The following ETV5 variants were observed in gnomAD, a reference collection of about 807,000 sequenced individuals.
The protein encoded by ETV5 is ETS variant transcription factor 5.
ETV5 carries 10 observed loss-of-function variants against 70.0 expected under a neutral mutation model. The ratio of observed to expected loss-of-function variants is 0.14; its 90% CI spans 0.09 to 0.24. The LOEUF is 0.24. Among genes scored for constraint, ETV5 ranks in the 10% least tolerant of loss-of-function variants. The pLI, the probability that ETV5 is intolerant of heterozygous loss-of-function variation, is 1.00. For synonymous variants in ETV5, 216 were observed against 242.2 expected (o/e 0.89, Z 1.01); for missense variants, 453 against 651.2 (o/e 0.70, Z 3.31).
intron 7 of ETV5, among the ~76,000 whole-genome samples, chr3:186,077,271 A>G (rs78000917): frequency 0.036 from 5,451 of 152,302 alleles, 272 homozygotes; most frequent in East Asian, 0.27. Context: ...AAAAGTTCTA[A>G]GCCAAGAGAC....
chr3:186,079,524 TC>T (rs1443526711), intron 7 of ETV5, among the ~76,000 whole-genome samples: 1 of 152,176 alleles, frequency 6.6e-6, no homozygotes, highest in Non-Finnish European at 1.5e-5. Context: ...GACAAGACTA[TC>T]CTGGCAAGTC....
chr3:186,105,131 A>G lies in ETV5; in HGVS notation c.232+174T>C, dbSNP rs1446717962. ...TGCAATACAGTAGAAATACTTTAGA[A>G]ATAATTTTATTATGAAATAAAAGTT... On this transcript the variant is annotated intron_variant, in intron 5 of 12. Transcript: ENST00000306376. The surrounding 1 kb of genome is among the most constrained non-coding windows in gnomAD (Gnocchi z 4.5). 1.8e-6 allele frequency: 1 copy of G among 542,744 alleles called. No individual in the cohort carries two copies. The highest frequency in any genetic ancestry group is 1.9e-5 in the African/African-American group (1 of 51,320). 33.6% of individuals were successfully genotyped at this position (542,744 alleles called of 1,614,324 possible).
At chr3:186,088,046 T>G (rs1320572880) in intron 5 of ETV5, among the ~76,000 whole-genome samples, 1 of 152,204 alleles carries the variant, frequency 6.6e-6, no homozygotes, top group African/African-American at 2.4e-5. Flanking sequence ...TTTCTCCTAC[T>G]TCACACACAG....
At chr3:186,108,600 C>T in intron 1 of ETV5, 1 of 1,226,126 alleles carries the variant, frequency 8.2e-7, no homozygotes. Flanking sequence ...TCGGGGCTCT[C>T]GAATCTCCAG....
chr3:186,068,830 AACAG>A (rs1191128420), intron 7 of ETV5, among the ~76,000 whole-genome samples: 2 of 152,212 alleles, frequency 1.3e-5, no homozygotes, highest in Non-Finnish European at 2.9e-5. Context: ...CAGTCCATGA[AACAG>A]ACAGGAAGCA....
chr3:186,107,114 C>T (rs1356292), intron 1 of ETV5: 118,714 of 167,458 alleles, frequency 0.71, 43,770 homozygotes, highest in Non-Finnish European at 0.81. Context: ...CAAGGACACC[C>T]TTCACAGCCA....
intron 5 of ETV5, among the ~76,000 whole-genome samples, chr3:186,089,947 C>T (rs1323359251): frequency 6.6e-6 from 1 of 152,126 alleles, no homozygotes; most frequent in Non-Finnish European, 1.5e-5. Context: ...GAGACGCACA[C>T]CAGGGTATTT....
rs2150142501 is a variant in ETV5, at chr3:186,057,575, A to C, written c.971-84T>G. Reference sequence around the variant, plus strand: ...ACTATGGATTTAAGGACTAGAGTGCAATCCTATCATTTCAGATCCTAAGTC... The same window carrying C: ...ACTATGGATTTAAGGACTAGAGTGCCATCCTATCATTTCAGATCCTAAGTC... On this transcript the variant is annotated intron_variant, in intron 9 of 12. Transcript: ENST00000306376. The surrounding 1 kb of genome is among the most constrained non-coding windows in gnomAD (Gnocchi z 4.9). 2.6e-6 allele frequency: 3 copies of C among 1,159,522 alleles called. No individual in the cohort carries two copies. The South Asian group carries it at 3.7e-5, about 14-fold the overall frequency. The allele number at this position is 1,159,522 out of a possible 1,614,324, so 71.8% of individuals were successfully genotyped here.
chr3:186,095,237 A>G (rs1485451921), intron 5 of ETV5: 1 of 152,190 alleles, frequency 6.6e-6, no homozygotes, highest in Non-Finnish European at 1.5e-5. Context: ...CCTTACATCA[A>G]CCACAGTGGA....
At chr3:186,097,988 T>TG (rs1055369267) in intron 5 of ETV5, among the ~76,000 whole-genome samples, 5 of 152,224 alleles carry the variant, frequency 3.3e-5, no homozygotes, top group Non-Finnish European at 7.3e-5. Context: ...CTCTGCTAGC[T>TG]GGGGCAGACC....
chr3:186,067,217 G>A (rs775687636), intron 7 of ETV5, among the ~76,000 whole-genome samples: 1 of 152,176 alleles, frequency 6.6e-6, no homozygotes, highest in Non-Finnish European at 1.5e-5. Context: ...GGGGGATCAC[G>A]AGGTCAAGAG....
intron 9 of ETV5, among the ~76,000 whole-genome samples, chr3:186,060,215 G>C (rs764481718): frequency 1.6e-4 from 24 of 151,854 alleles, no homozygotes; most frequent in Non-Finnish European, 2.8e-4. Flanking sequence ...TACATTCACA[G>C]TATGTAGAAA....
intron 7 of ETV5, among the ~76,000 whole-genome samples, chr3:186,073,393 G>A (rs1348002849): frequency 6.6e-6 from 1 of 152,178 alleles, no homozygotes; most frequent in African/African-American, 2.4e-5. Context: ...ACGCTTCTGT[G>A]TGGTATCTAT....
At chr3:186,075,671 T>C (rs951419191) in intron 7 of ETV5, among the ~76,000 whole-genome samples, 4 of 152,214 alleles carry the variant, frequency 2.6e-5, no homozygotes, top group African/African-American at 9.6e-5. Flanking sequence ...CCAGTTGACC[T>C]TTTCCTGATG....
chr3:186,060,556 TG>T (rs1713279360), intron 9 of ETV5, among the ~76,000 whole-genome samples: 1 of 152,238 alleles, frequency 6.6e-6, no homozygotes, highest in African/African-American at 2.4e-5. Context: ...TAAGGCAGGA[TG>T]GCTATCTTAG....
chr3:186,089,998 G>A (rs1028779072), intron 5 of ETV5, among the ~76,000 whole-genome samples: 2 of 152,108 alleles, frequency 1.3e-5, no homozygotes, highest in Non-Finnish European at 2.9e-5. Context: ...CTTTCAAATG[G>A]TTAAGAAAAA....
intron 5 of ETV5, among the ~76,000 whole-genome samples, chr3:186,103,672 T>G (rs1009275023): frequency 7.9e-6 from 1 of 125,922 alleles, no homozygotes; most frequent in African/African-American, 3.1e-5. Context: ...CACACACACT[T>G]GGATTATCTT....
chr3:186,073,984 A>G (rs1480984459), intron 7 of ETV5, among the ~76,000 whole-genome samples: 2 of 152,200 alleles, frequency 1.3e-5, no homozygotes, highest in Non-Finnish European at 2.9e-5. Flanking sequence ...AACAGAATAA[A>G]CCCAAAGAAA....
chr3:186,092,437 TTG>T (rs755246998), intron 5 of ETV5, among the ~76,000 whole-genome samples: 1 of 152,110 alleles, frequency 6.6e-6, no homozygotes. Context: ...TTACCTCTTT[TTG>T]TTTGTTTTTT....
Sources: allele counts gnomAD v4.1 joint callset (sites outside exome capture counted in the v4.1 genomes callset), GRCh38; gene constraint gnomAD v4.1.1; non-coding constraint Gnocchi (gnomAD v3.1); transcripts MANE v1.5; gene names NCBI Gene and HGNC (gene_info 2026-07-23, HGNC 2026-07-21).